Variants in ETFA observed in about 807,000 individuals in gnomAD.
ETFA encodes the protein electron transfer flavoprotein subunit alpha, mitochondrial.
A neutral mutation model predicts 46.2 loss-of-function variants in ETFA; 22 were observed. The ratio of observed to expected loss-of-function variants is 0.48; its 90% CI spans 0.34 to 0.68. The LOEUF (loss-of-function observed/expected upper bound fraction) is 0.68. Ranked by LOEUF, ETFA falls within the 30% of genes least tolerant of loss-of-function variation. The pLI, the probability that ETFA is intolerant of heterozygous loss-of-function variation, is 0.01. For synonymous variants in ETFA, 131 were observed against 139.9 expected (o/e 0.94, Z 0.45); for missense variants, 345 against 401.1 (o/e 0.86, Z 1.19).
At chr15:76,298,526 A>G (rs2039849650) in intron 1 of ETFA, among the ~76,000 whole-genome samples, 1 of 152,200 alleles carries the variant, frequency 6.6e-6, no homozygotes, top group Non-Finnish European at 1.5e-5. Flanking sequence ...AGTTTTATAC[A>G]TAGTATCCTA....
chr15:76,244,140 C>T (rs1284371469), intron 9 of ETFA, among the ~76,000 whole-genome samples: 1 of 152,200 alleles, frequency 6.6e-6, no homozygotes, highest in African/African-American at 2.4e-5. Context: ...CCGCCTCAGC[C>T]TCCCAAAGTT....
chr15:76,307,345 C>A, intron 1 of ETFA, among the ~76,000 whole-genome samples: 1 of 152,086 alleles, frequency 6.6e-6, no homozygotes, highest in Non-Finnish European at 1.5e-5. Flanking sequence ...TTGCCACACA[C>A]ATAAGGATGA....
intron 9 of ETFA, among the ~76,000 whole-genome samples, chr15:76,266,400 C>T (rs1238438482): frequency 6.6e-6 from 1 of 152,128 alleles, no homozygotes; most frequent in Admixed American, 6.5e-5. Flanking sequence ...GCTATTAAGC[C>T]AGTTGGAGAA....
chr15:76,294,178 C>T (rs1349645445), intron 2 of ETFA, among the ~76,000 whole-genome samples: 6 of 152,112 alleles, frequency 3.9e-5, no homozygotes, highest in Non-Finnish European at 8.8e-5. Flanking sequence ...TGATTTTTCT[C>T]AAAGTAGTAT....
At chr15:76,302,914 C>A (rs147515632) in intron 1 of ETFA, among the ~76,000 whole-genome samples, 1 of 152,264 alleles carries the variant, frequency 6.6e-6, no homozygotes, top group Non-Finnish European at 1.5e-5. Flanking sequence ...TTCCTGGGCC[C>A]AAGGGATCCT....
chr15:76,277,700 G>C lies in ETFA; in HGVS notation c.734-3206C>G, dbSNP rs572489715. On this transcript the variant is annotated intron_variant, in intron 8 of 11. Coordinates refer to ENST00000557943, the MANE Select transcript of ETFA (RefSeq NM_000126.4). The stretch of plus-strand genomic sequence containing the variant: ...GTATTTTTAGTACAGATGGGGTTTC[G>C]CCAAGTTGGCCAGGCTGGTCTCAAA... Among the ~76,000 whole-genome samples, 10 of 152,148 alleles carry C rather than the reference G, an allele frequency of 6.6e-5. No homozygotes were observed. In the East Asian group the frequency reaches 1.7e-3, roughly 26 times the overall value.
At chr15:76,299,625 T>G (rs1327914160) in intron 1 of ETFA, among the ~76,000 whole-genome samples, 1 of 152,132 alleles carries the variant, frequency 6.6e-6, no homozygotes, top group Non-Finnish European at 1.5e-5. Context: ...CCCCCTACTC[T>G]TAGAAGGTAG....
chr15:76,247,773 A>G (rs1294524821), intron 9 of ETFA, among the ~76,000 whole-genome samples: 1 of 152,268 alleles, frequency 6.6e-6, no homozygotes, highest in African/African-American at 2.4e-5. Context: ...ATACCAAATA[A>G]TGAGTGTAAT....
intron 7 of ETFA, among the ~76,000 whole-genome samples, chr15:76,284,073 C>G (rs545195706): frequency 6.6e-6 from 1 of 152,242 alleles, no homozygotes; most frequent in Admixed American, 6.5e-5. Flanking sequence ...AGAATAAAAA[C>G]TCTTTAATTT....
chr15:76,264,006 T>C lies in ETFA; in HGVS notation c.816+10406A>G, dbSNP rs145453671. ...GTTGCAACATTAAAACCTGGAGCAATTGGTGGTGCTATACAAAATTCTATT... is the reference window on the plus strand; with the variant it reads ...GTTGCAACATTAAAACCTGGAGCAACTGGTGGTGCTATACAAAATTCTATT... On this transcript the variant is annotated intron_variant, in intron 9 of 11. Coordinates refer to ENST00000557943, the MANE Select transcript of ETFA (RefSeq NM_000126.4). Among the ~76,000 whole-genome samples the C allele has an allele frequency of 4.5e-4, 68 of 152,164 alleles. 1 individual carries two copies. The East Asian group carries it at 0.012, about 28-fold the overall frequency.
chr15:76,272,051 T>C (rs77622645), intron 9 of ETFA, among the ~76,000 whole-genome samples: 2,584 of 152,174 alleles, frequency 0.017, 78 homozygotes, highest in African/African-American at 0.058. Flanking sequence ...TCTATATCCA[T>C]AAGAGTAATA....
chr15:76,295,933 A>ATTTTTT (rs1555459250), intron 1 of ETFA, among the ~76,000 whole-genome samples, 196 bp from the exon 2 acceptor site: 27 of 58,478 alleles, frequency 4.6e-4, no homozygotes, highest in Non-Finnish European at 7.5e-4. Flanking sequence ...TACCACTAAT[A>ATTTTTT]TTCTTTTTTT....
intron 9 of ETFA, among the ~76,000 whole-genome samples, chr15:76,256,974 A>C (rs148246122): frequency 6.6e-6 from 1 of 152,328 alleles, no homozygotes; most frequent in East Asian, 1.9e-4. Context: ...GTGTAAGTAC[A>C]CTCTATGATG....
chr15:76,260,668 G>A (rs2039400843), intron 9 of ETFA: 1 of 1,581,494 alleles, frequency 6.3e-7, no homozygotes. Context: ...GGGCCCTCGG[G>A]GATCACTTCT....
At position 76,237,215 on chromosome 15, in the gene ETFA, G is replaced by C. The variant is rs186025809; in HGVS notation, c.817-5817C>G. Among the ~76,000 whole-genome samples the C allele has an allele frequency of 2.6e-5, 4 of 152,196 alleles. No homozygotes were observed. In the East Asian group the frequency reaches 7.7e-4, roughly 29 times the overall value. ...TTACAGGAACGTGCCACCTCGCCCG[G>C]CTAATTTTTGTACTCTTAGTAGAGA... is the stretch of plus-strand genomic sequence containing the variant. On this transcript the variant is annotated intron_variant, in intron 9 of 11. Transcript: ENST00000557943.
At chr15:76,285,460 CTG>C (rs923882071) in intron 7 of ETFA, among the ~76,000 whole-genome samples, 175 bp downstream of exon 7, 2 of 152,164 alleles carry the variant, frequency 1.3e-5, no homozygotes, top group African/African-American at 2.4e-5. Context: ...AAACCCCAAA[CTG>C]TGTATTATGC....
chr15:76,276,665 G>T (rs955107188), intron 8 of ETFA, among the ~76,000 whole-genome samples: 2 of 150,988 alleles, frequency 1.3e-5, no homozygotes, highest in African/African-American at 4.9e-5. Flanking sequence ...TTTTCTCTTC[G>T]CTTTTCAGTT....
At chr15:76,258,031 AG>A (rs1166642513) in intron 9 of ETFA, among the ~76,000 whole-genome samples, 6 of 24,782 alleles carry the variant, frequency 2.4e-4, no homozygotes, top group Admixed American at 6.4e-4. Flanking sequence ...GGGTGGGGGG[AG>A]GGGGGGAGGG....
chr15:76,284,635 C>G (rs1316154840), intron 7 of ETFA, among the ~76,000 whole-genome samples: 1 of 151,888 alleles, frequency 6.6e-6, no homozygotes, highest in Non-Finnish European at 1.5e-5. Flanking sequence ...GGACTACTGG[C>G]ATCCACCACC....
Sources: gnomAD v4.1 joint callset for allele counts (sites outside exome capture counted in the v4.1 genomes callset) on GRCh38, gnomAD v4.1.1 for gene constraint, MANE v1.5 for transcripts, NCBI Gene and HGNC (gene_info 2026-07-23, HGNC 2026-07-21) for gene names.